The following SH3PXD2A variants were observed in gnomAD, a reference collection of about 807,000 sequenced individuals.
SH3PXD2A encodes the protein SH3 and PX domain-containing protein 2A.
A neutral mutation model predicts 115.2 loss-of-function variants in SH3PXD2A; 32 were observed. The ratio of observed to expected loss-of-function variants is 0.28; its 90% CI spans 0.21 to 0.37. The LOEUF (loss-of-function observed/expected upper bound fraction) is 0.37, where lower values mean the gene tolerates loss of function less well. Among genes scored for constraint, SH3PXD2A ranks in the 10% least tolerant of loss-of-function variants. SH3PXD2A has a pLI of 1.00. For synonymous variants in SH3PXD2A, 610 were observed against 629.1 expected (o/e 0.97, Z 0.45); for missense variants, 1,328 against 1,498.7 (o/e 0.89, Z 1.88).
intron 14 of SH3PXD2A, among the ~76,000 whole-genome samples, chr10:103,604,031 T>A (rs1321785676): frequency 6.6e-6 from 1 of 152,190 alleles, no homozygotes; most frequent in Non-Finnish European, 1.5e-5. Flanking sequence ...TCCCTGATCC[T>A]CCATGTCTGT....
chr10:103,619,314 G>A (rs796342508), intron 10 of SH3PXD2A, among the ~76,000 whole-genome samples: 3 of 152,270 alleles, frequency 2.0e-5, no homozygotes, highest in African/African-American at 7.2e-5. Context: ...GTGAGGCATG[G>A]CAAATCCCAG....
chr10:103,681,915 A>G (rs1412979515), intron 6 of SH3PXD2A, among the ~76,000 whole-genome samples: 1 of 152,160 alleles, frequency 6.6e-6, no homozygotes, highest in Non-Finnish European at 1.5e-5. Flanking sequence ...CTGTCTCTTA[A>G]GAAAATGAAA....
chr10:103,777,224 G>A (rs572440737), intron 2 of SH3PXD2A, among the ~76,000 whole-genome samples: 18 of 152,350 alleles, frequency 1.2e-4, no homozygotes, highest in African/African-American at 3.8e-4. Flanking sequence ...CATACACACC[G>A]GCTATTCTTA....
chr10:103,661,556 G>T, intron 7 of SH3PXD2A: 1 of 692,270 alleles, frequency 1.4e-6, no homozygotes, highest in Non-Finnish European at 1.8e-6. Flanking sequence ...GCCAGCGGGT[G>T]GGCGGCCCAT....
At chr10:103,688,103 T>C (rs1048723266) in intron 6 of SH3PXD2A, among the ~76,000 whole-genome samples, 2 of 152,246 alleles carry the variant, frequency 1.3e-5, no homozygotes, top group Admixed American at 1.3e-4. Flanking sequence ...GCATAGTTGA[T>C]GCTCAGTTAG....
At chr10:103,831,079 T>C (rs1009662362) in intron 1 of SH3PXD2A, among the ~76,000 whole-genome samples, 9 of 152,268 alleles carry the variant, frequency 5.9e-5, no homozygotes, top group African/African-American at 2.2e-4. Context: ...TACAAACATA[T>C]GTAACCATAC....
intron 1 of SH3PXD2A, among the ~76,000 whole-genome samples, chr10:103,818,972 T>C (rs2902637): frequency 0.78 from 119,259 of 152,160 alleles, 46,910 homozygotes; most frequent in Middle Eastern, 0.85. Context: ...GAATCATTCT[T>C]GACTGGATTA....
chr10:103,601,364 C>T lies in SH3PXD2A; in HGVS notation c.*452G>A, dbSNP rs892702276. ...TTCACAAATACAGCTTAGGACAATA[C>T]CAGGGATACCTGGGGTGGCAAGATG... On this transcript the variant is annotated 3_prime_UTR_variant, in exon 15 of 15. Coordinates refer to ENST00000369774, the MANE Select transcript of SH3PXD2A (RefSeq NM_001394015.1). 2 of 161,928 alleles carry T rather than the reference C, an allele frequency of 1.2e-5. No homozygotes were observed. Among genetic ancestry groups the T allele is most frequent in the Non-Finnish European group, 2.7e-5 (2 of 73,380 alleles). The allele number at this position is 161,928 out of a possible 1,614,324, so 10.0% of individuals were successfully genotyped here.
chr10:103,829,449 T>C (rs912161166), intron 1 of SH3PXD2A, among the ~76,000 whole-genome samples: 3 of 152,188 alleles, frequency 2.0e-5, no homozygotes, highest in Non-Finnish European at 4.4e-5. Context: ...GTAATGCCAC[T>C]TTTAAAAGGA....
At chr10:103,652,497 A>G (rs1404971651) in intron 8 of SH3PXD2A, among the ~76,000 whole-genome samples, 5 of 152,342 alleles carry the variant, frequency 3.3e-5, no homozygotes, top group Non-Finnish European at 7.3e-5. Context: ...CACCGGAACA[A>G]TTACAGAAAA....
chr10:103,797,283 A>G (rs1037876373), intron 2 of SH3PXD2A, among the ~76,000 whole-genome samples: 4 of 152,142 alleles, frequency 2.6e-5, no homozygotes, highest in Non-Finnish European at 5.9e-5. Flanking sequence ...AAGCTGTGAG[A>G]GAAGAAGGTG....
At chr10:103,676,801 G>A (rs2037539857) in intron 6 of SH3PXD2A, among the ~76,000 whole-genome samples, 1 of 152,078 alleles carries the variant, frequency 6.6e-6, no homozygotes, top group South Asian at 2.1e-4. Context: ...TGTGTGCAGA[G>A]AAGAGACAAA....
chr10:103,687,039 C>T (rs2037687157), intron 6 of SH3PXD2A, among the ~76,000 whole-genome samples: 2 of 152,196 alleles, frequency 1.3e-5, no homozygotes, highest in Non-Finnish European at 1.5e-5. Flanking sequence ...TGAGCCACTG[C>T]GCCTGGTTGG....
In SH3PXD2A at chr10:103,701,705, T is replaced by G. The variant is rs559796153; in HGVS notation, c.399-8649A>C. ...CATCCATCATTCATCCAGCCATCCA[T>G]CCATCCATCATTTATCCATCCATCA... On this transcript the variant is annotated intron_variant, in intron 5 of 14. Coordinates refer to ENST00000369774, the MANE Select transcript of SH3PXD2A (RefSeq NM_001394015.1). Among the ~76,000 whole-genome samples the G allele has an allele frequency of 1.9e-3, 266 of 138,706 alleles. 3 individuals are homozygous for G. The highest frequency in any genetic ancestry group is 6.8e-3 in the African/African-American group (252 of 36,884). The allele number at this position is 138,706 out of a possible 152,430, so 91.0% of individuals were successfully genotyped here.
At position 103,699,452 on chromosome 10, in the gene SH3PXD2A, C is replaced by G. The variant is rs546426894; in HGVS notation, c.399-6396G>C. Among the ~76,000 whole-genome samples, 3 of 152,280 alleles carry G rather than the reference C, an allele frequency of 2.0e-5. No homozygotes were observed. The South Asian group carries it at 6.2e-4, about 32-fold the overall frequency. ...CGGATTCCCCAGTCCTAACAGGAGGCTACTCTGAGTGTCCTCACAGGGCTA... is the reference window on the plus strand; with the variant it reads ...CGGATTCCCCAGTCCTAACAGGAGGGTACTCTGAGTGTCCTCACAGGGCTA... On this transcript the variant is annotated intron_variant, in intron 5 of 14. Transcript: ENST00000369774.
intron 2 of SH3PXD2A, among the ~76,000 whole-genome samples, chr10:103,794,503 G>A (rs1248916715): frequency 6.6e-6 from 1 of 152,148 alleles, no homozygotes; most frequent in African/African-American, 2.4e-5. Context: ...GAGTCTTCCG[G>A]CCCCTCCTCA....
intron 2 of SH3PXD2A, among the ~76,000 whole-genome samples, chr10:103,797,129 G>A (rs969331111): frequency 4.6e-5 from 7 of 152,136 alleles, no homozygotes; most frequent in Non-Finnish European, 1.0e-4. Context: ...CTCTCAAGGT[G>A]CTGGGATTAC....
chr10:103,647,860 G>A (rs769618621), intron 8 of SH3PXD2A, among the ~76,000 whole-genome samples: 13 of 151,892 alleles, frequency 8.6e-5, no homozygotes, highest in Non-Finnish European at 1.6e-4. Flanking sequence ...GCCCAAGCAC[G>A]AAAGAGTCAA....
At chr10:103,828,590 TTA>T (rs2039455079) in intron 1 of SH3PXD2A, among the ~76,000 whole-genome samples, 1 of 152,158 alleles carries the variant, frequency 6.6e-6, no homozygotes, top group African/African-American at 2.4e-5. Flanking sequence ...GCCAAACTTC[TTA>T]TCACTCAATA....
Sources: gnomAD v4.1 joint callset for allele counts (sites outside exome capture counted in the v4.1 genomes callset) on GRCh38, gnomAD v4.1.1 for gene constraint, MANE v1.5 for transcripts, NCBI Gene and HGNC (gene_info 2026-07-23, HGNC 2026-07-21) for gene names.